The following CERKL variants were observed in gnomAD, a reference collection of about 807,000 sequenced individuals.
CERKL encodes the protein CERK like autophagy regulator, also known as ceramide kinase-like protein.
CERKL carries 61 observed loss-of-function variants against 63.4 expected under a neutral mutation model. The observed-to-expected ratio is 0.96, with a 90% CI of 0.78 to 1.19. CERKL has a LOEUF of 1.19. Among genes scored for constraint, CERKL ranks in the 50% most tolerant of loss-of-function variants. The pLI is 0.00. For synonymous variants in CERKL, 250 were observed against 230.5 expected (o/e 1.08, Z -0.77); for missense variants, 675 against 655.5 (o/e 1.03, Z -0.33).
chr2:181,570,949 A>T (rs1020649216), intron 3 of CERKL, among the ~76,000 whole-genome samples: 11 of 152,084 alleles, frequency 7.2e-5, no homozygotes, highest in African/African-American at 1.2e-4. Context: ...CATGCAGAAG[A>T]TATGTCCTCT....
intron 1 of CERKL, among the ~76,000 whole-genome samples, chr2:181,641,241 A>AC (rs1198351627): frequency 6.6e-6 from 1 of 150,460 alleles, no homozygotes; most frequent in Non-Finnish European, 1.5e-5. Flanking sequence ...CATAATAAAA[A>AC]TATTTTTTGT....
At chr2:181,643,927 T>C (rs1248792188) in intron 1 of CERKL, among the ~76,000 whole-genome samples, 1 of 152,222 alleles carries the variant, frequency 6.6e-6, no homozygotes, top group Non-Finnish European at 1.5e-5. Flanking sequence ...TGCCTGACTC[T>C]TCTGCTTTAA....
intron 2 of CERKL, among the ~76,000 whole-genome samples, chr2:181,580,531 C>T (rs1684458871): frequency 1.3e-5 from 2 of 152,058 alleles, no homozygotes; most frequent in Non-Finnish European, 2.9e-5. Flanking sequence ...ATTAGTTCCA[C>T]CAGAAAAATT....
At chr2:181,568,080 C>G (rs1688741352) in intron 3 of CERKL, among the ~76,000 whole-genome samples, 1 of 152,108 alleles carries the variant, frequency 6.6e-6, no homozygotes. Flanking sequence ...CTGGGAATTT[C>G]CCCCTCCCCT....
Position 181,558,475 on chromosome 2 carries a change from A to G in CERKL, c.820+91T>C, listed in dbSNP as rs1021500276. The G allele has an allele frequency of 1.1e-5, 15 of 1,396,846 alleles. No individual in the cohort carries two copies. Among genetic ancestry groups the G allele is most frequent in the Admixed American group, 6.7e-5 (4 of 59,572 alleles). 86.5% of individuals were successfully genotyped at this position (1,396,846 alleles called of 1,614,324 possible). The stretch of plus-strand genomic sequence containing the variant: ...AGTCTGGATCTTTCAAAGTCTGTTC[A>G]TTAATTCTGTGTTGTGCTGTCTAGA... On this transcript the variant is annotated intron_variant, in intron 5 of 12. Coordinates refer to ENST00000410087, the MANE Select transcript of CERKL (RefSeq NM_201548.5). This position sits in a 1 kb window ranked among gnomAD's most constrained non-coding sequence, Gnocchi z 4.2.
intron 1 of CERKL, among the ~76,000 whole-genome samples, chr2:181,619,932 A>T (rs1171889099): frequency 6.6e-6 from 1 of 152,214 alleles, no homozygotes; most frequent in Non-Finnish European, 1.5e-5. Context: ...AGGTTAGAGA[A>T]AGAATAAAAC....
In CERKL at chr2:181,537,912, C is replaced by G. The variant is rs1687250632; in HGVS notation, c.*272G>C. On this transcript the variant is annotated 3_prime_UTR_variant, in exon 13 of 13. Transcript: ENST00000410087. ...AGCATTACTGAGTTCCTCCCCCTGTCAGATCAGCAGCAGCATTAGATTCTC... is the reference window on the plus strand; with the variant it reads ...AGCATTACTGAGTTCCTCCCCCTGTGAGATCAGCAGCAGCATTAGATTCTC... The G allele has an allele frequency of 1.7e-6, 1 of 574,884 alleles. No homozygotes were observed. Among genetic ancestry groups the G allele is most frequent in the Admixed American group, 2.2e-5 (1 of 46,112 alleles). 35.6% of individuals were successfully genotyped at this position (574,884 alleles called of 1,614,324 possible). A position where few individuals can be genotyped will look rare whatever the true frequency, so the allele number is the denominator to read the frequency against.
intron 1 of CERKL, among the ~76,000 whole-genome samples, chr2:181,614,927 T>C (rs1392091842): frequency 1.3e-5 from 2 of 152,244 alleles, no homozygotes; most frequent in African/African-American, 4.8e-5. Context: ...TGACACTTTT[T>C]TGCAAGTTAT....
At chr2:181,637,842 T>C (rs1205063871) in intron 1 of CERKL, among the ~76,000 whole-genome samples, 1 of 152,042 alleles carries the variant, frequency 6.6e-6, no homozygotes, top group Non-Finnish European at 1.5e-5. Flanking sequence ...TTCACAGATA[T>C]GAATTATTCC....
intron 1 of CERKL, among the ~76,000 whole-genome samples, chr2:181,615,440 CG>C (rs1686150466): frequency 6.6e-6 from 1 of 152,164 alleles, no homozygotes; most frequent in South Asian, 2.1e-4. Context: ...TGATGTAGAC[CG>C]TAAACAGGAT....
intron 1 of CERKL, among the ~76,000 whole-genome samples, chr2:181,609,533 T>TA (rs869037405): frequency 0.022 from 1,573 of 70,216 alleles, 83 homozygotes; most frequent in Non-Finnish European, 0.028. Context: ...CTGTCTCTAC[T>TA]AAAAAAAAAA....
chr2:181,600,280 T>C (rs1203886290), intron 2 of CERKL, among the ~76,000 whole-genome samples: 3 of 152,202 alleles, frequency 2.0e-5, no homozygotes, highest in East Asian at 1.9e-4. Flanking sequence ...AGAGATCTTA[T>C]AGAGCAATTA....
rs751812575 is a variant in CERKL, at chr2:181,537,044, G to A, written c.*1140C>T. ...TTCTGAGATTTGCGAAGGCATTTGA[G>A]TAGTGAAATGTAAGCACAAAACCTC... On this transcript the variant is annotated 3_prime_UTR_variant, in exon 13 of 13. Transcript: ENST00000410087. The A allele has an allele frequency of 1.8e-5, 8 of 444,342 alleles. No homozygotes were observed. The highest frequency in any genetic ancestry group is 1.2e-4 in the Admixed American group (5 of 41,640). 27.5% of individuals were successfully genotyped at this position (444,342 alleles called of 1,614,324 possible).
intron 2 of CERKL, among the ~76,000 whole-genome samples, chr2:181,591,832 C>T (rs1011713805): frequency 6.6e-6 from 1 of 152,132 alleles, no homozygotes; most frequent in Non-Finnish European, 1.5e-5. Context: ...ACCTCCTAAC[C>T]ACTAGGAGTA....
Position 181,537,418 on chromosome 2 carries a change from T to TCAACTTACTTTGTTACTTGTATC in CERKL, c.*743_*765dup, listed in dbSNP as rs767876372. On this transcript the variant is annotated 3_prime_UTR_variant, in exon 13 of 13. Transcript: ENST00000410087. ...GCCCAGTTCAAAATAGTATTTGTTATCAACTTACTTTGTTACTTGTATCAT... is the reference window on the plus strand; with the variant it reads ...GCCCAGTTCAAAATAGTATTTGTTATCAACTTACTTTGTTACTTGTATCCAACTTACTTTGTTACTTGTATCAT... 3,864 of 453,958 alleles carry TCAACTTACTTTGTTACTTGTATC rather than the reference T, an allele frequency of 8.5e-3. 27 individuals carry two copies. Among genetic ancestry groups the TCAACTTACTTTGTTACTTGTATC allele is most frequent in the Non-Finnish European group, 0.012 (2,741 of 226,718 alleles). 28.1% of individuals were successfully genotyped at this position (453,958 alleles called of 1,614,324 possible).
At chr2:181,653,675 A>T (rs1409462673) in intron 1 of CERKL, among the ~76,000 whole-genome samples, 1 of 152,236 alleles carries the variant, frequency 6.6e-6, no homozygotes, top group African/African-American at 2.4e-5. Context: ...TGTCACTCAC[A>T]TGTAGAATCT....
At chr2:181,600,925 G>A (rs934318602) in intron 2 of CERKL, among the ~76,000 whole-genome samples, 1 of 151,978 alleles carries the variant, frequency 6.6e-6, no homozygotes, top group African/African-American at 2.4e-5. Context: ...TCTGTACATG[G>A]AACATTCTCT....
intron 2 of CERKL, among the ~76,000 whole-genome samples, chr2:181,593,480 T>C (rs1017324165): frequency 6.6e-6 from 1 of 152,094 alleles, no homozygotes; most frequent in African/African-American, 2.4e-5. Flanking sequence ...ATTTTTATTT[T>C]TGAAAAGATA....
At chr2:181,584,418 G>C (rs1684670558) in intron 2 of CERKL, among the ~76,000 whole-genome samples, 1 of 151,982 alleles carries the variant, frequency 6.6e-6, no homozygotes, top group African/African-American at 2.4e-5. Flanking sequence ...AGGTTGAGGT[G>C]GGAGGATCAC....
Sources: gnomAD v4.1 joint callset for allele counts (sites outside exome capture counted in the v4.1 genomes callset) on GRCh38, gnomAD v4.1.1 for gene constraint, Gnocchi (gnomAD v3.1) non-coding constraint, MANE v1.5 for transcripts, NCBI Gene and HGNC (gene_info 2026-07-23, HGNC 2026-07-21) for gene names.